DCAF7: variants seen among roughly 807,000 people sequenced by gnomAD.
The protein encoded by DCAF7 is DDB1- and CUL4-associated factor 7.
Under a neutral mutation model 41.2 loss-of-function variants are expected in DCAF7, and 4 were observed. The observed-to-expected ratio is 0.10, with a 90% CI of 0.05 to 0.22. The LOEUF (loss-of-function observed/expected upper bound fraction) is 0.22, where lower values mean the gene tolerates loss of function less well. Among genes scored for constraint, DCAF7 ranks in the 10% least tolerant of loss-of-function variants. The probability of loss-of-function intolerance (pLI) is 1.00; values close to 1 mark genes in which losing one functional copy is unlikely to be tolerated. For synonymous variants in DCAF7, 143 were observed against 164.2 expected, an observed-to-expected ratio of 0.87 and a Z score of 0.99; for missense variants, 131 against 443.2, an observed-to-expected ratio of 0.30 and a Z score of 6.32.
Position 63,550,560 on chromosome 17 carries a change from T to G in DCAF7, c.-118T>G, listed in dbSNP as rs2033237274. On this transcript the variant is annotated 5_prime_UTR_variant, in exon 1 of 7. Transcript: ENST00000614556. This position sits in a 1 kb window ranked among gnomAD's most constrained non-coding sequence, Gnocchi z 4.8. ...TGTCGCCGCATCCCCGCTTCCGGGT[T>G]AGGCCGTTCCTGCCCGCCCCCTCCT... The G allele has an allele frequency of 6.8e-7, 1 of 1,473,066 alleles. No homozygotes were observed. Among genetic ancestry groups the G allele is most frequent in the African/African-American group, 1.4e-5 (1 of 71,794 alleles). The allele number at this position is 1,473,066 out of a possible 1,614,324, so 91.2% of individuals were successfully genotyped here.
intron 1 of DCAF7, among the ~76,000 whole-genome samples, chr17:63,574,967 A>G (rs1568102463): frequency 7.1e-6 from 1 of 141,596 alleles, no homozygotes; most frequent in South Asian, 2.1e-4. Context: ...GCAAGATCCT[A>G]TCTTAAAAAA....
Position 63,590,493 on chromosome 17 carries a change from C to T in DCAF7, c.*1321C>T, listed in dbSNP as rs1219492666. 6.5e-6 allele frequency: 1 copy of T among 152,744 alleles called. No homozygotes were observed. Among genetic ancestry groups the T allele is most frequent in the East Asian group, 1.9e-4 (1 of 5,204 alleles). 9.5% of individuals were successfully genotyped at this position (152,744 alleles called of 1,614,324 possible). ...CACACCTGTCAACCCCTCTCTCCCCCAGTTTAGGTTCTGAGCAGTATTGGA... is the reference window on the plus strand; with the variant it reads ...CACACCTGTCAACCCCTCTCTCCCCTAGTTTAGGTTCTGAGCAGTATTGGA... On this transcript the variant is annotated 3_prime_UTR_variant, in exon 7 of 7. Transcript: ENST00000614556.
chr17:63,576,188 T>C (rs1416423263), intron 1 of DCAF7, among the ~76,000 whole-genome samples: 1 of 152,222 alleles, frequency 6.6e-6, no homozygotes, highest in Non-Finnish European at 1.5e-5. Context: ...ACGCCTGTAA[T>C]CCTAGCACTT....
At chr17:63,567,386 A>G (rs1885340900) in intron 1 of DCAF7, among the ~76,000 whole-genome samples, 1 of 152,250 alleles carries the variant, frequency 6.6e-6, no homozygotes, top group Admixed American at 6.5e-5. Context: ...CAGAAGAGCC[A>G]GTGTCAGTTT....
At chr17:63,559,399 G>GTATATATATGTATATATATACGTA in intron 1 of DCAF7, among the ~76,000 whole-genome samples, 1 of 88,098 alleles carries the variant, frequency 1.1e-5, no homozygotes, top group East Asian at 2.8e-4. Flanking sequence ...ATATATATAT[G>GTATATATATGTATATATATACGTA]TATATATATG....
chr17:63,556,820 T>C (rs1373959293), intron 1 of DCAF7, among the ~76,000 whole-genome samples: 1 of 152,108 alleles, frequency 6.6e-6, no homozygotes, highest in Non-Finnish European at 1.5e-5. Context: ...GAGCCAAGAT[T>C]GTGCCACTGC....
chr17:63,564,343 G>A (rs1436222558), intron 1 of DCAF7, among the ~76,000 whole-genome samples: 1 of 152,122 alleles, frequency 6.6e-6, no homozygotes, highest in African/African-American at 2.4e-5. Context: ...TAATGGTAAG[G>A]GGTTCAGGCT....
At chr17:63,573,995 G>A (rs2033534922) in intron 1 of DCAF7, among the ~76,000 whole-genome samples, 1 of 152,024 alleles carries the variant, frequency 6.6e-6, no homozygotes, top group African/African-American at 2.4e-5. Context: ...CACCTTCATC[G>A]GGGGAAGGTG....
intron 1 of DCAF7, among the ~76,000 whole-genome samples, chr17:63,571,049 G>A (rs746374132): frequency 5.9e-5 from 9 of 152,094 alleles, no homozygotes; most frequent in Non-Finnish European, 1.2e-4. Flanking sequence ...AGCCAGGTGC[G>A]ATGGCGGGTG....
At chr17:63,557,514 A>G (rs1054111400) in intron 1 of DCAF7, among the ~76,000 whole-genome samples, 11 of 151,686 alleles carry the variant, frequency 7.3e-5, no homozygotes, top group African/African-American at 2.7e-4. Flanking sequence ...CAAAAAAAAA[A>G]AGAAAGAAAG....
chr17:63,576,240 G>A (rs2033560455), intron 1 of DCAF7, among the ~76,000 whole-genome samples: 1 of 152,000 alleles, frequency 6.6e-6, no homozygotes. Flanking sequence ...TCAAGAGTTC[G>A]AGACTAGACT....
At chr17:63,571,982 T>C (rs531152953) in intron 1 of DCAF7, among the ~76,000 whole-genome samples, 48 of 152,054 alleles carry the variant, frequency 3.2e-4, no homozygotes, top group Middle Eastern at 6.8e-3. Context: ...CACAGGCCTA[T>C]ATTTAAGGCA....
chr17:63,593,456 A>G lies in DCAF7; in HGVS notation c.*4284A>G, dbSNP rs1162515710. On this transcript the variant is annotated 3_prime_UTR_variant, in exon 7 of 7. Coordinates refer to ENST00000614556, the MANE Select transcript of DCAF7 (RefSeq NM_005828.5). ...GAAACATGCAGGTGCCTTCCCAAAG[A>G]GGCTTGGACTGGTATATCCAACGAG... The G allele has an allele frequency of 6.5e-6, 1 of 152,682 alleles. No homozygotes were observed. The highest frequency in any genetic ancestry group is 6.5e-5 in the Admixed American group (1 of 15,276). 9.5% of individuals were successfully genotyped at this position (152,682 alleles called of 1,614,324 possible). A position where few individuals can be genotyped will look rare whatever the true frequency, so the allele number is the denominator to read the frequency against.
At position 63,583,522 on chromosome 17, in the gene DCAF7, C is replaced by T; in HGVS notation, c.549C>T (p.Ser183=). The T allele has an allele frequency of 6.2e-7, 1 of 1,613,798 alleles. No individual in the cohort carries two copies. The highest frequency in any genetic ancestry group is 8.5e-7 in the Non-Finnish European group (1 of 1,179,792). Residue 183 remains serine (S), a synonymous_variant, in exon 5 of 7, where the codon AGC becomes AGT. Coordinates refer to ENST00000614556, the MANE Select transcript of DCAF7 (RefSeq NM_005828.5). ...AACAGGTCTATGATATTGCATTTAG[C>T]CGGGCCGGGGGTGGCAGGGACATGT... ...HDKEVYDIAF[S]RAGGGRDMFA...
intron 1 of DCAF7, among the ~76,000 whole-genome samples, chr17:63,560,880 T>A (rs2033372140): frequency 6.6e-6 from 1 of 152,240 alleles, no homozygotes; most frequent in Non-Finnish European, 1.5e-5. Flanking sequence ...CATGATAATA[T>A]TAACATCAGA....
In DCAF7 at chr17:63,593,543, G is replaced by A. The variant is rs747337788; in HGVS notation, c.*4371G>A. On this transcript the variant is annotated 3_prime_UTR_variant, in exon 7 of 7. Coordinates refer to ENST00000614556, the MANE Select transcript of DCAF7 (RefSeq NM_005828.5). ...AAAGATGTTGACAGTCTATGTAACA[G>A]CTGGAAAGTTTATAGGCACCCACCT... The A allele has an allele frequency of 2.0e-5, 3 of 152,654 alleles. No homozygotes were observed. Among genetic ancestry groups the A allele is most frequent in the Non-Finnish European group, 4.4e-5 (3 of 68,046 alleles). 9.5% of individuals were successfully genotyped at this position (152,654 alleles called of 1,614,324 possible).
intron 1 of DCAF7, among the ~76,000 whole-genome samples, chr17:63,551,779 G>T (rs568498792): frequency 6.6e-6 from 1 of 151,720 alleles, no homozygotes; most frequent in African/African-American, 2.4e-5. Context: ...GGGCGCGGTG[G>T]CTCACGCCTG....
chr17:63,589,043 C>T lies in DCAF7; in HGVS notation c.900C>T (p.Pro300=). The T allele has an allele frequency of 1.9e-6, 3 of 1,613,762 alleles. No individual in the cohort carries two copies. The highest frequency in any genetic ancestry group is 2.5e-6 in the Non-Finnish European group (3 of 1,179,782). ...TCATCTGGGACATCCAGCAAATGCCCCGAGCCATTGAGGACCCTATCCTGG... is the reference window on the plus strand; with the variant it reads ...TCATCTGGGACATCCAGCAAATGCCTCGAGCCATTGAGGACCCTATCCTGG... ...QALIWDIQQM[P]RAIEDPILAY... Residue 300 remains proline (P), a synonymous_variant, in exon 7 of 7, where the codon CCC becomes CCT. Transcript: ENST00000614556.
intron 5 of DCAF7, 78 bp downstream of exon 5, chr17:63,583,789 A>C: frequency 6.9e-7 from 1 of 1,457,928 alleles, no homozygotes. Flanking sequence ...CTGGTTCTCA[A>C]CTGGAGCAGT....
Sources: gnomAD v4.1 joint callset for allele counts (sites outside exome capture counted in the v4.1 genomes callset) on GRCh38, gnomAD v4.1.1 for gene constraint, Gnocchi (gnomAD v3.1) non-coding constraint, MANE v1.5 for transcripts, NCBI Gene and HGNC (gene_info 2026-07-23, HGNC 2026-07-21) for gene names.